ZNF723: variants seen among roughly 807,000 people sequenced by gnomAD.
The protein encoded by ZNF723 is zinc finger protein 723, pseudogene.
Under a neutral mutation model 9.4 loss-of-function variants are expected in ZNF723, and 5 were observed. That is an observed-to-expected ratio of 0.53 (90% CI 0.28 to 1.12). The LOEUF (loss-of-function observed/expected upper bound fraction) is 1.12, where lower values mean the gene tolerates loss of function less well. Among genes scored for constraint, ZNF723 ranks in the 50% most tolerant of loss-of-function variants. ZNF723 has a pLI of 0.10. For missense variants in ZNF723, 450 were observed against 501.5 expected, an observed-to-expected ratio of 0.90 and a Z score of 0.98; for synonymous variants, 158 against 168.8, an observed-to-expected ratio of 0.94 and a Z score of 0.49.
At chr19:22,856,106 C>G (rs1568409256) in intron 3 of ZNF723, among the ~76,000 whole-genome samples, 1 of 152,026 alleles carries the variant, frequency 6.6e-6, no homozygotes, top group Non-Finnish European at 1.5e-5. Context: ...ACTACAGGTG[C>G]TTGCCACCAC....
At chr19:22,817,490 G>A in the ZNF723 span, among the ~76,000 whole-genome samples, 1 of 152,014 alleles carries the variant, frequency 6.6e-6, no homozygotes, top group Non-Finnish European at 1.5e-5. Context: ...CAGCAATTAG[G>A]TGAGGTGTCT....
the ZNF723 span, among the ~76,000 whole-genome samples, chr19:22,822,392 C>T: frequency 1.3e-5 from 2 of 152,314 alleles, no homozygotes; most frequent in East Asian, 3.9e-4. Flanking sequence ...AGTTGCATTA[C>T]CTGGACCTAG....
At chr19:22,821,162 A>G in the ZNF723 span, among the ~76,000 whole-genome samples, 108 of 152,312 alleles carry the variant, frequency 7.1e-4, no homozygotes, top group African/African-American at 2.6e-3. Flanking sequence ...GAAGGTCTTG[A>G]CTTTCATACC....
At position 22,857,967 on chromosome 19, in the gene ZNF723, A is replaced by G; in HGVS notation, c.1076A>G (p.His359Arg). Residue 359 changes from histidine (H) to arginine (R), a missense_variant, in exon 4 of 4, where the codon CAT becomes CGT. Physicochemically the swap from His to Arg is conservative, Grantham distance 29. Transcript: ENST00000600766. ...AFSQSSHITT[H>R]KRIHTGEKPY... ...AGCCAGTCCTCACACATTACTACAC[A>G]TAAGAGAATTCACACTGGAGAGAAA... 6.5e-7 allele frequency: 1 copy of G among 1,534,426 alleles called. No homozygotes were observed. The highest frequency in any genetic ancestry group is 9.0e-7 in the Non-Finnish European group (1 of 1,108,522).
chr19:22,832,294 T>C lies in ZNF723; in HGVS notation c.-86T>C. ...GGCTTCCGGGATTTGGCGCGGCCTT[T>C]TGAGTTCCTGGTCTCTGTGGCCTCC... On this transcript the variant is annotated 5_prime_UTR_variant, in exon 1 of 4. Coordinates refer to ENST00000600766, the MANE Select transcript of ZNF723 (RefSeq NM_001349726.2). 2 of 1,264,890 alleles carry C rather than the reference T, an allele frequency of 1.6e-6. No homozygotes were observed. Among genetic ancestry groups the C allele is most frequent in the Non-Finnish European group, 2.2e-6 (2 of 901,014 alleles). 78.4% of individuals were successfully genotyped at this position (1,264,890 alleles called of 1,614,324 possible).
chr19:22,856,369 G>T (rs1967480010), intron 3 of ZNF723, among the ~76,000 whole-genome samples: 1 of 151,964 alleles, frequency 6.6e-6, no homozygotes, highest in African/African-American at 2.4e-5. Flanking sequence ...GTAGTTGTCT[G>T]TGTTTCCATT....
At chr19:22,827,134 G>A in the ZNF723 span, among the ~76,000 whole-genome samples, 1 of 152,216 alleles carries the variant, frequency 6.6e-6, no homozygotes, top group Non-Finnish European at 1.5e-5. Flanking sequence ...AGATTCTAAT[G>A]TAAAGGCTGT....
intron 1 of ZNF723, among the ~76,000 whole-genome samples, chr19:22,844,979 C>T (rs879637202): frequency 1.4e-4 from 21 of 152,030 alleles, no homozygotes; most frequent in Non-Finnish European, 2.8e-4. Context: ...ATTAGCCGGG[C>T]ATGGTGGCAG....
rs2145236454 is a variant in ZNF723, at chr19:22,858,142, A to T, written c.1251A>T (p.Ile417=). ...NQSSALTTHK[I]IHTGERPYKC... is the part of the protein sequence containing the mutation. ...CCTCAGCCCTTACTACACATAAGATAATTCATACTGGAGAAAGACCTTACA... is the reference window on the plus strand; with the variant it reads ...CCTCAGCCCTTACTACACATAAGATTATTCATACTGGAGAAAGACCTTACA... The change falls in exon 4 of 4, where the codon ATA becomes ATT. Residue 417 remains isoleucine, a synonymous_variant. Coordinates refer to ENST00000600766, the MANE Select transcript of ZNF723 (RefSeq NM_001349726.2). 1 of 1,430,560 alleles carries T rather than the reference A, an allele frequency of 7.0e-7. No individual in the cohort carries two copies. The highest frequency in any genetic ancestry group is 1.1e-5 in the South Asian group (1 of 87,208). 88.6% of individuals were successfully genotyped at this position (1,430,560 alleles called of 1,614,324 possible).
At chr19:22,844,522 A>G (rs35446354) in intron 1 of ZNF723, among the ~76,000 whole-genome samples, 34,036 of 152,076 alleles carry the variant, frequency 0.22, 4,766 homozygotes, top group African/African-American at 0.4. Flanking sequence ...TCGTATTAGT[A>G]CTCTGCAACA....
chr19:22,845,889 C>CTTTTTTT (rs1214348571), intron 1 of ZNF723, among the ~76,000 whole-genome samples: 32 of 124,370 alleles, frequency 2.6e-4, no homozygotes, highest in African/African-American at 9.2e-4. Context: ...AAAAATATGC[C>CTTTTTTT]TTTTTTTTTT....
At chr19:22,835,799 C>G (rs1480082527) in intron 1 of ZNF723, among the ~76,000 whole-genome samples, 3 of 152,046 alleles carry the variant, frequency 2.0e-5, no homozygotes, top group African/African-American at 7.3e-5. Context: ...TGTTCTATAG[C>G]CTGTGATCTT....
intron 3 of ZNF723, among the ~76,000 whole-genome samples, chr19:22,854,396 G>A (rs1967442581): frequency 6.7e-6 from 1 of 150,150 alleles, no homozygotes; most frequent in South Asian, 2.1e-4. Flanking sequence ...TTAAATCTCA[G>A]CTGACTCTTG....
chr19:22,832,297 A>C lies in ZNF723; in HGVS notation c.-83A>C. The C allele has an allele frequency of 7.9e-7, 1 of 1,271,260 alleles. No individual in the cohort carries two copies. The allele number at this position is 1,271,260 out of a possible 1,614,324, so 78.7% of individuals were successfully genotyped here. On this transcript the variant is annotated 5_prime_UTR_variant, in exon 1 of 4. Coordinates refer to ENST00000600766, the MANE Select transcript of ZNF723 (RefSeq NM_001349726.2). ...TTCCGGGATTTGGCGCGGCCTTTTG[A>C]GTTCCTGGTCTCTGTGGCCTCCTGA... is the stretch of plus-strand genomic sequence containing the variant.
Position 22,849,281 on chromosome 19 carries a change from GC to G in ZNF723, c.216del (p.Lys73SerfsTer19). 1.7e-6 allele frequency: 1 copy of G among 598,638 alleles called. No homozygotes were observed. The highest frequency in any genetic ancestry group is 2.7e-5 in the South Asian group (1 of 37,700). The allele number at this position is 598,638 out of a possible 1,614,324, so 37.1% of individuals were successfully genotyped here. A position where few individuals can be genotyped will look rare whatever the true frequency, so the allele number is the denominator to read the frequency against. On this transcript the variant is annotated frameshift_variant, in exon 3 of 4. Coordinates refer to ENST00000600766, the MANE Select transcript of ZNF723 (RefSeq NM_001349726.2). LOFTEE classifies it low-confidence loss of function (END_TRUNC). ...GAATATGAAGAGACACAAGATGGTA[GC>G]CAAGCCCCCAGGTAGGTGGAGAGTG... is the stretch of plus-strand genomic sequence containing the variant. ...PWNMKRHKMV[A>X]KPPVVCSHFA...
intron 3 of ZNF723, among the ~76,000 whole-genome samples, chr19:22,854,410 G>C (rs150493194): frequency 1.6e-4 from 23 of 148,098 alleles, no homozygotes; most frequent in African/African-American, 5.7e-4. Flanking sequence ...ACTCTTGCAG[G>C]AAAGTAAGTT....
chr19:22,826,389 G>A, the ZNF723 span, among the ~76,000 whole-genome samples: 1 of 152,106 alleles, frequency 6.6e-6, no homozygotes, highest in Non-Finnish European at 1.5e-5. Context: ...CCAACATTAG[G>A]GCAACCAGTA....
rs572826803 is a variant in ZNF723, at chr19:22,857,359, A to G, written c.468A>G (p.Lys156=). Residue 156 remains lysine, a synonymous_variant, in exon 4 of 4, where the codon AAA becomes AAG. Transcript: ENST00000600766. ...QCDKYVKVFH[K]FSSSNSQKIR... ...ATAAATATGTAAAAGTCTTTCATAAATTTTCAAGTTCAAATAGCCAGAAGA... is the reference window on the plus strand; with the variant it reads ...ATAAATATGTAAAAGTCTTTCATAAGTTTTCAAGTTCAAATAGCCAGAAGA... 6 of 831,762 alleles carry G rather than the reference A, an allele frequency of 7.2e-6. No homozygotes were observed. In the Admixed American group the frequency reaches 9.1e-5, roughly 13 times the overall value. 51.5% of individuals were successfully genotyped at this position (831,762 alleles called of 1,614,324 possible).
the ZNF723 span, among the ~76,000 whole-genome samples, chr19:22,816,199 C>T: frequency 3.3e-5 from 5 of 152,094 alleles, no homozygotes; most frequent in South Asian, 4.1e-4. Context: ...GAGCACAGCA[C>T]GCAGGTGAGA....
Sources: allele counts gnomAD v4.1 joint callset (sites outside exome capture counted in the v4.1 genomes callset), GRCh38; gene constraint gnomAD v4.1.1; transcripts MANE v1.5; gene names NCBI Gene and HGNC (gene_info 2026-07-23, HGNC 2026-07-21).